The following TNKS2 variants were observed in gnomAD, a reference collection of about 807,000 sequenced individuals.
TNKS2 encodes the protein tankyrase 2.
Under a neutral mutation model 137.6 loss-of-function variants are expected in TNKS2, and 72 were observed. That is an observed-to-expected ratio of 0.52 (90% CI 0.43 to 0.64). The LOEUF is 0.64. TNKS2 is among the 30% of genes least tolerant of loss of function. The probability of loss-of-function intolerance (pLI) is 0.00; values close to 1 mark genes in which losing one functional copy is unlikely to be tolerated. For synonymous variants in TNKS2, 516 were observed against 512.1 expected, an observed-to-expected ratio of 1.01 and a Z score of -0.10; for missense variants, 1,049 against 1,410.2, an observed-to-expected ratio of 0.74 and a Z score of 4.10.
chr10:91,847,767 A>T (rs1842421563), intron 18 of TNKS2, among the ~76,000 whole-genome samples: 1 of 152,218 alleles, frequency 6.6e-6, no homozygotes, highest in South Asian at 2.1e-4. Flanking sequence ...AAATACAAAC[A>T]ATTCAGTTTG....
chr10:91,833,361 TTTA>T (rs1414369466), intron 11 of TNKS2, among the ~76,000 whole-genome samples: 4 of 152,238 alleles, frequency 2.6e-5, no homozygotes, highest in Non-Finnish European at 5.9e-5. Context: ...TTTGTTCCTT[TTTA>T]TTGCTGAGTA....
At chr10:91,800,192 T>C (rs1564598590) in intron 1 of TNKS2, among the ~76,000 whole-genome samples, 1 of 152,190 alleles carries the variant, frequency 6.6e-6, no homozygotes, top group Non-Finnish European at 1.5e-5. Context: ...GAAGGAAGAA[T>C]ACTTAAGTCA....
At position 91,862,981 on chromosome 10, in the gene TNKS2, A is replaced by AGGT. The variant is rs747913564; in HGVS notation, c.3484_3486dup (p.Gly1162dup). ...TTACTTACCAGATTATGAGGCCTGA[A>AGGT]GGTATGGTCGATGGATAAATAGTTA... is the stretch of plus-strand genomic sequence containing the variant. On this transcript the variant is annotated inframe_insertion, in exon 27 of 27. Transcript: ENST00000371627. The AGGT allele has an allele frequency of 1.2e-6, 2 of 1,605,916 alleles. No individual in the cohort carries two copies.
At chr10:91,799,659 T>C (rs1465520169) in intron 1 of TNKS2, among the ~76,000 whole-genome samples, 1 of 152,240 alleles carries the variant, frequency 6.6e-6, no homozygotes, top group Non-Finnish European at 1.5e-5. Flanking sequence ...AGGTTCACTT[T>C]ATGATTTAAG....
intron 1 of TNKS2, among the ~76,000 whole-genome samples, chr10:91,802,339 T>C (rs1363465719): frequency 1.3e-5 from 2 of 152,244 alleles, no homozygotes; most frequent in Non-Finnish European, 2.9e-5. Context: ...TACCATGTTA[T>C]CGTCTTCACA....
intron 12 of TNKS2, among the ~76,000 whole-genome samples, chr10:91,835,508 C>G (rs1841977977): frequency 6.7e-6 from 1 of 150,294 alleles, no homozygotes; most frequent in Admixed American, 6.6e-5. Context: ...CCAGACTGGT[C>G]TCAAACTCCT....
rs942066941 is a variant in TNKS2, at chr10:91,864,042, T to G, written c.*1043T>G. ...TTTTTATCCTAAGTATATTTTTTCC[T>G]GTTCTTTTTACTTGGTTTTATTGCT... is the stretch of plus-strand genomic sequence containing the variant. On this transcript the variant is annotated 3_prime_UTR_variant, in exon 27 of 27. Transcript: ENST00000371627. The G allele has an allele frequency of 2.0e-5, 3 of 152,202 alleles. No homozygotes were observed. Among genetic ancestry groups the G allele is most frequent in the Admixed American group, 6.5e-5 (1 of 15,280 alleles). 9.4% of individuals were successfully genotyped at this position (152,202 alleles called of 1,614,324 possible).
At chr10:91,835,067 T>C (rs961634518) in intron 12 of TNKS2, among the ~76,000 whole-genome samples, 1 of 152,204 alleles carries the variant, frequency 6.6e-6, no homozygotes, top group Admixed American at 6.5e-5. Context: ...CAGCACTAGA[T>C]GTTACAATTC....
intron 7 of TNKS2, among the ~76,000 whole-genome samples, chr10:91,825,108 G>T (rs10881976): frequency 0.52 from 78,281 of 151,476 alleles, 20,658 homozygotes; most frequent in East Asian, 0.72. Context: ...GTTTTGTTTT[G>T]TTTTGGTCGA....
chr10:91,845,833 G>A lies in TNKS2; in HGVS notation c.2251G>A (p.Glu751Lys), dbSNP rs758437700. ...CAAATGGGCTTTCACACCTTTGCACGAAGCAGCCCAAAAGGGACGAACACA... is the reference window on the plus strand; with the variant it reads ...CAAATGGGCTTTCACACCTTTGCACAAAGCAGCCCAAAAGGGACGAACACA... Reference protein sequence around the residue: ...TDKWAFTPLHEAAQKGRTQLC... With the variant: ...TDKWAFTPLHKAAQKGRTQLC... Residue 751 changes from glutamate to lysine, a missense_variant, in exon 18 of 27, where the codon GAA (glutamate) becomes AAA (lysine). By Grantham distance (56) the Glu-to-Lys change is moderately conservative (BLOSUM62 1). Around this residue, in one of 6 missense-constraint regions of TNKS2, gnomAD observed 4 missense variants for 17.6 expected, o/e 0.23. Coordinates refer to ENST00000371627, the MANE Select transcript of TNKS2 (RefSeq NM_025235.4). The A allele has an allele frequency of 1.9e-6, 3 of 1,609,842 alleles. No individual in the cohort carries two copies. The highest frequency in any genetic ancestry group is 2.5e-6 in the Non-Finnish European group (3 of 1,176,920).
In TNKS2 at chr10:91,817,166, C is replaced by T. The variant is rs1200198430; in HGVS notation, c.457C>T (p.Arg153Ter). The change falls in exon 3 of 27, where the codon CGA becomes TGA. Residue 153 changes from arginine (R) to a stop codon, truncating the protein, a stop_gained. Transcript: ENST00000371627. LOFTEE classifies it high-confidence loss of function. ...ACAGCATGGAGCTGAGCCAACCATCCGAAATACAGATGGAAGGACAGCATT... is the reference window on the plus strand; with the variant it reads ...ACAGCATGGAGCTGAGCCAACCATCTGAAATACAGATGGAAGGACAGCATT... ...LLQHGAEPTI[R>*]NTDGRTALDL... The T allele has an allele frequency of 1.2e-6, 2 of 1,613,644 alleles. No homozygotes were observed. Among genetic ancestry groups the T allele is most frequent in the Non-Finnish European group, 1.7e-6 (2 of 1,179,814 alleles).
rs111341432 is a variant in TNKS2, at chr10:91,828,382, T to C, written c.1080T>C (p.His360=). The change falls in exon 9 of 27, where the codon CAT becomes CAC. Residue 360 remains histidine (H), a synonymous_variant. Transcript: ENST00000371627. ...HLSLEMVNFK[H]PQTHETALHC... ...CTCTGGAAATGGTGAATTTCAAGCA[T>C]CCTCAAACACATGAAACAGCATTGG... The C allele has an allele frequency of 6.2e-7, 1 of 1,603,502 alleles. No homozygotes were observed. Among genetic ancestry groups the C allele is most frequent in the Non-Finnish European group, 8.5e-7 (1 of 1,176,334 alleles).
intron 4 of TNKS2, 81 bp from the exon 5 acceptor site, chr10:91,819,399 ATT>A: frequency 7.4e-7 from 1 of 1,348,784 alleles, no homozygotes; most frequent in Non-Finnish European, 9.9e-7. Flanking sequence ...TTTAAAAAGA[ATT>A]TTTTTTTAAT....
intron 5 of TNKS2, 100 bp from the exon 6 acceptor site, chr10:91,819,839 A>C: frequency 1.0e-6 from 1 of 967,388 alleles, no homozygotes. Context: ...TAGCGAAGTT[A>C]TAATTGGATT....
chr10:91,807,679 C>G (rs1844370352), intron 1 of TNKS2, among the ~76,000 whole-genome samples: 1 of 152,200 alleles, frequency 6.6e-6, no homozygotes, highest in African/African-American at 2.4e-5. Context: ...ATGCACATGG[C>G]TCTTGTCCTT....
chr10:91,802,248 G>A (rs757410148), intron 1 of TNKS2, among the ~76,000 whole-genome samples: 4 of 152,132 alleles, frequency 2.6e-5, no homozygotes, highest in Non-Finnish European at 5.9e-5. Flanking sequence ...GGAGGAAAGT[G>A]GAATCAGAGC....
At chr10:91,844,709 C>T (rs1329672350) in intron 16 of TNKS2, among the ~76,000 whole-genome samples, 1 of 152,050 alleles carries the variant, frequency 6.6e-6, no homozygotes, top group Non-Finnish European at 1.5e-5. Context: ...AAATGTTTTC[C>T]AGAAGGTAAA....
chr10:91,819,586 T>C (rs199846808), intron 5 of TNKS2, 29 bp downstream of exon 5: 1 of 1,512,594 alleles, frequency 6.6e-7, no homozygotes, highest in Non-Finnish European at 8.9e-7. Flanking sequence ...GAGTTTGTGC[T>C]TATCTCCTGG....
At position 91,859,460 on chromosome 10, in the gene TNKS2, AG is replaced by A; in HGVS notation, c.3096del. The A allele has an allele frequency of 6.3e-7, 1 of 1,584,730 alleles. No individual in the cohort carries two copies. Among genetic ancestry groups the A allele is most frequent in the Non-Finnish European group, 8.6e-7 (1 of 1,168,408 alleles). The stretch of plus-strand genomic sequence containing the variant: ...ATTGTTACCCATCTATATGTGTTTC[AG>A]GGTCTCCTTTTGTGAATGCAATTAT... On this transcript the variant is annotated splice_acceptor_variant, in intron 24 of 26. Coordinates refer to ENST00000371627, the MANE Select transcript of TNKS2 (RefSeq NM_025235.4). LOFTEE classifies it high-confidence loss of function.
Sources: allele counts gnomAD v4.1 joint callset (sites outside exome capture counted in the v4.1 genomes callset), GRCh38; gene constraint gnomAD v4.1.1; regional missense constraint gnomAD v4.1.1; transcripts MANE v1.5; gene names NCBI Gene and HGNC (gene_info 2026-07-23, HGNC 2026-07-21).